YPEL2: variants seen among roughly 807,000 people sequenced by gnomAD.
The protein encoded by YPEL2 is yippee like 2.
In YPEL2, 2 loss-of-function variants were observed where a neutral mutation model predicts 19.1. The observed-to-expected ratio is 0.10, with a 90% CI of 0.04 to 0.33. The LOEUF (loss-of-function observed/expected upper bound fraction) is 0.33, where lower values mean the gene tolerates loss of function less well. YPEL2 is among the 10% of genes least tolerant of loss of function. The pLI is 1.00. For synonymous variants in YPEL2, 52 were observed against 50.0 expected, an observed-to-expected ratio of 1.04 and a Z score of -0.17; for missense variants, 66 against 140.7, an observed-to-expected ratio of 0.47 and a Z score of 2.68.
At chr17:59,366,027 G>T (rs1017725085) in intron 2 of YPEL2, 6 of 152,488 alleles carry the variant, frequency 3.9e-5, no homozygotes, top group Admixed American at 2.0e-4. Context: ...TCTATCTTTG[G>T]GGGCCCAGGA....
intron 1 of YPEL2, among the ~76,000 whole-genome samples, chr17:59,337,976 A>G (rs559902904): frequency 5.3e-5 from 8 of 152,308 alleles, no homozygotes; most frequent in Non-Finnish European, 2.9e-5. Context: ...CCATGTCTCC[A>G]TTCTAGGCAG....
intron 1 of YPEL2, among the ~76,000 whole-genome samples, chr17:59,347,051 G>T (rs988154665): frequency 2.0e-5 from 3 of 152,200 alleles, no homozygotes; most frequent in Non-Finnish European, 2.9e-5. Flanking sequence ...AGATGAGTCC[G>T]AAGCTATGCA....
chr17:59,385,133 C>T (rs1230247354), intron 2 of YPEL2, among the ~76,000 whole-genome samples: 2 of 152,146 alleles, frequency 1.3e-5, no homozygotes, highest in East Asian at 3.9e-4. Context: ...CTATAATATC[C>T]ATAGAATAGA....
At chr17:59,377,064 T>G (rs2047925733) in intron 2 of YPEL2, among the ~76,000 whole-genome samples, 1 of 151,882 alleles carries the variant, frequency 6.6e-6, no homozygotes, top group South Asian at 2.1e-4. Context: ...TTCTCAGGCC[T>G]TTTTGCCTAG....
intron 2 of YPEL2, chr17:59,366,239 C>T (rs2047868017): frequency 6.5e-6 from 1 of 154,156 alleles, no homozygotes; most frequent in Non-Finnish European, 1.5e-5. Context: ...TGTGTGAGCT[C>T]CTCTTACGTG....
chr17:59,363,635 C>T (rs2047853321), intron 2 of YPEL2, among the ~76,000 whole-genome samples: 1 of 152,198 alleles, frequency 6.6e-6, no homozygotes, highest in Admixed American at 6.5e-5. Context: ...CTTTATTGAG[C>T]ACCTACTGTG....
chr17:59,375,291 A>G (rs913788214), intron 2 of YPEL2, among the ~76,000 whole-genome samples: 1 of 152,138 alleles, frequency 6.6e-6, no homozygotes, highest in African/African-American at 2.4e-5. Context: ...CTGTACCCAA[A>G]CTACAGCCCA....
In YPEL2 at chr17:59,397,212, C is replaced by T; in HGVS notation, c.*22C>T. The T allele has an allele frequency of 6.4e-7, 1 of 1,563,574 alleles. No homozygotes were observed. Among genetic ancestry groups the T allele is most frequent in the Non-Finnish European group, 8.7e-7 (1 of 1,149,414 alleles). ...CTGATTGGACAGCATCTACCCAACC[C>T]AGTGTCCACGTGAACGCCATTCAAC... is the stretch of plus-strand genomic sequence containing the variant. On this transcript the variant is annotated 3_prime_UTR_variant, in exon 5 of 5. Coordinates refer to ENST00000312655, the MANE Select transcript of YPEL2 (RefSeq NM_001005404.4).
chr17:59,383,336 C>T (rs1247931274), intron 2 of YPEL2, among the ~76,000 whole-genome samples: 6 of 151,054 alleles, frequency 4.0e-5, no homozygotes, highest in Admixed American at 1.3e-4. Flanking sequence ...TGGTGGCTCA[C>T]GCCTGTAATC....
chr17:59,361,660 C>G (rs556955931), intron 2 of YPEL2, among the ~76,000 whole-genome samples: 10 of 152,230 alleles, frequency 6.6e-5, no homozygotes, highest in African/African-American at 2.2e-4. Flanking sequence ...TTCAAGGACT[C>G]CATGAAATTG....
chr17:59,353,108 G>T lies in YPEL2; in HGVS notation c.-195-107G>T. On this transcript the variant is annotated intron_variant, in intron 1 of 4. Coordinates refer to ENST00000312655, the MANE Select transcript of YPEL2 (RefSeq NM_001005404.4). This position sits in a 1 kb window ranked among gnomAD's most constrained non-coding sequence, Gnocchi z 4.8. ...CCAGGAACAGAGAAGTGGGTCATTTGATCCTGTCAGTGTTGCCTTCTTCAT... is the reference window on the plus strand; with the variant it reads ...CCAGGAACAGAGAAGTGGGTCATTTTATCCTGTCAGTGTTGCCTTCTTCAT... 4 of 236,704 alleles carry T rather than the reference G, an allele frequency of 1.7e-5. No individual in the cohort carries two copies. Among genetic ancestry groups the T allele is most frequent in the Non-Finnish European group, 3.3e-5 (4 of 121,462 alleles). The allele number at this position is 236,704 out of a possible 1,614,324, so 14.7% of individuals were successfully genotyped here. A position where few individuals can be genotyped will look rare whatever the true frequency, so the allele number is the denominator to read the frequency against.
chr17:59,384,587 A>C (rs1193780032), intron 2 of YPEL2, among the ~76,000 whole-genome samples: 1 of 152,242 alleles, frequency 6.6e-6, no homozygotes, highest in African/African-American at 2.4e-5. Context: ...CATACAGGAC[A>C]CATACCAGTC....
intron 2 of YPEL2, among the ~76,000 whole-genome samples, chr17:59,360,379 G>A (rs539631090): frequency 3.9e-4 from 59 of 152,244 alleles, no homozygotes; most frequent in Middle Eastern, 3.4e-3. Flanking sequence ...GCGCCCGGCC[G>A]TGTTAGTGAT....
At chr17:59,397,040 A>G in intron 4 of YPEL2, 61 bp from the exon 5 acceptor site, 3 of 1,423,652 alleles carry the variant, frequency 2.1e-6, no homozygotes, top group South Asian at 2.7e-5. Flanking sequence ...AAAAAGAAAA[A>G]AAAAATCATT....
intron 2 of YPEL2, among the ~76,000 whole-genome samples, chr17:59,387,443 G>A (rs79804855): frequency 1.3e-5 from 2 of 151,992 alleles, no homozygotes; most frequent in Non-Finnish European, 2.9e-5. Context: ...GGTTTTCAGA[G>A]CAGACTAAGA....
chr17:59,357,839 C>CG (rs1567740393), intron 2 of YPEL2, among the ~76,000 whole-genome samples: 1 of 152,112 alleles, frequency 6.6e-6, no homozygotes, highest in Non-Finnish European at 1.5e-5. Context: ...AGACCCACTT[C>CG]GGGGCCCTGT....
At chr17:59,396,823 G>A (rs529216357) in intron 4 of YPEL2, among the ~76,000 whole-genome samples, 1 of 152,248 alleles carries the variant, frequency 6.6e-6, no homozygotes, top group Admixed American at 6.5e-5. Context: ...CTGAGCTCCG[G>A]AGTTAGAGAC....
intron 2 of YPEL2, among the ~76,000 whole-genome samples, chr17:59,370,226 C>A (rs1000529090): frequency 3.3e-5 from 5 of 151,236 alleles, no homozygotes; most frequent in African/African-American, 1.2e-4. Context: ...CCATGCCCGG[C>A]TAATTTTTTG....
intron 2 of YPEL2, among the ~76,000 whole-genome samples, chr17:59,380,880 A>G (rs1480706299): frequency 6.6e-6 from 1 of 152,218 alleles, no homozygotes; most frequent in Non-Finnish European, 1.5e-5. Flanking sequence ...TAATGGAGAC[A>G]TTGAATTGCA....
Sources: allele counts gnomAD v4.1 joint callset (sites outside exome capture counted in the v4.1 genomes callset), GRCh38; gene constraint gnomAD v4.1.1; non-coding constraint Gnocchi (gnomAD v3.1); transcripts MANE v1.5; gene names NCBI Gene and HGNC (gene_info 2026-07-23, HGNC 2026-07-21).